PHEX: variants seen among roughly 807,000 people sequenced by gnomAD.
The protein encoded by PHEX is phosphate regulating endopeptidase X-linked.
Under a neutral mutation model 68.0 loss-of-function variants are expected in PHEX, and 16 were observed. The observed-to-expected ratio is 0.24, with a 90% CI of 0.16 to 0.36. The LOEUF is 0.36. Ranked by LOEUF, PHEX falls within the 10% of genes least tolerant of loss-of-function variation. The probability of loss-of-function intolerance (pLI) is 1.00; values close to 1 mark genes in which losing one functional copy is unlikely to be tolerated. For synonymous variants in PHEX, 208 were observed against 205.1 expected (o/e 1.01, Z -0.12); for missense variants, 480 against 575.5 (o/e 0.83, Z 1.70).
At chrX:22,233,101 T>A (rs1419713115) in intron 20 of PHEX, among the ~76,000 whole-genome samples, 1 of 111,966 alleles carries the variant, frequency 8.9e-6, no homozygotes, top group Non-Finnish European at 1.9e-5. Flanking sequence ...AAAATTCTTT[T>A]CTTTTCTTTG....
rs182062315 is a variant in PHEX at position 22,057,933 on chromosome X, C to T, written c.349+10722C>T. Among the ~76,000 whole-genome samples, 26 of 111,774 alleles carry T rather than the reference C, an allele frequency of 2.3e-4. 2 individuals are homozygous for T. Among genetic ancestry groups the T allele is most frequent in the Admixed American group, 1.7e-3 (18 of 10,497 alleles). ...TAGGGAGGAGTGGCTTTTTCTTCTCCGTTTCACTCCATCTCCTCCTGTGCC... is the reference window on the plus strand; with the variant it reads ...TAGGGAGGAGTGGCTTTTTCTTCTCTGTTTCACTCCATCTCCTCCTGTGCC... On this transcript the variant is annotated intron_variant, in intron 3 of 21. Transcript: ENST00000379374.
Position 22,221,748 on chromosome X carries a change from G to A in PHEX, c.1899+5G>A. ...TGGAAGAAAGCTGGCTTAAATGTGA[G>A]TACAACTGTGGCTAAGGGGGGCACC... On this transcript the variant is annotated splice_donor_5th_base_variant and intron_variant, in intron 18 of 21. Coordinates refer to ENST00000379374, the MANE Select transcript of PHEX (RefSeq NM_000444.6). The A allele has an allele frequency of 8.3e-7, 1 of 1,202,795 alleles. No individual in the cohort carries two copies. Among genetic ancestry groups the A allele is most frequent in the Non-Finnish European group, 1.1e-6 (1 of 887,409 alleles).
intron 20 of PHEX, among the ~76,000 whole-genome samples, chrX:22,234,168 G>A (rs1935875408): frequency 8.9e-6 from 1 of 112,847 alleles, no homozygotes; most frequent in Admixed American, 9.3e-5. Context: ...CGGAAGCTTT[G>A]CCCCAGAGGG....
chrX:22,198,058 A>G (rs1934422110), intron 15 of PHEX, among the ~76,000 whole-genome samples: 1 of 105,138 alleles, frequency 9.5e-6, no homozygotes, highest in Admixed American at 1.1e-4. Context: ...ATTAATATGT[A>G]ATATTAAATA....
At chrX:22,238,036 G>A (rs1042560916) in intron 20 of PHEX, among the ~76,000 whole-genome samples, 2 of 112,357 alleles carry the variant, frequency 1.8e-5, no homozygotes, top group Admixed American at 1.9e-4. Flanking sequence ...CAGCACTTTG[G>A]GAGGCCGAGG....
chrX:22,117,762 TG>T (rs1315418391), intron 11 of PHEX, among the ~76,000 whole-genome samples: 1 of 110,782 alleles, frequency 9.0e-6, no homozygotes, highest in Admixed American at 9.7e-5. Flanking sequence ...TTGATGTACG[TG>T]GGGGTAGTTT....
rs867854522 is a variant in PHEX, at chrX:22,077,782, T to A, written c.663+80T>A. The A allele has an allele frequency of 6.7e-5, 45 of 675,748 alleles. No individual in the cohort carries two copies. In the East Asian group the frequency reaches 1.1e-3, roughly 16 times the overall value. The allele number at this position is 675,748 out of a possible 1,213,427, so 55.7% of individuals were successfully genotyped here. ...GTGCCATCCTGGGGAAAGAGACTCA[T>A]GCTGCCTTAGTGAAATAATAACATA... On this transcript the variant is annotated intron_variant, in intron 5 of 21. Transcript: ENST00000379374.
chrX:22,179,803 T>C (rs1365801772), intron 14 of PHEX, among the ~76,000 whole-genome samples: 1 of 111,985 alleles, frequency 8.9e-6, no homozygotes, highest in Non-Finnish European at 1.9e-5. Context: ...AAGTCATCTA[T>C]AATAGTCACT....
At chrX:22,199,930 G>T (rs1934494566) in intron 15 of PHEX, among the ~76,000 whole-genome samples, 1 of 111,661 alleles carries the variant, frequency 9.0e-6, no homozygotes, top group South Asian at 3.8e-4. Flanking sequence ...TCCACCAGGG[G>T]TCTTGGAACA....
chrX:22,131,246 G>C, intron 11 of PHEX, among the ~76,000 whole-genome samples: 1 of 110,634 alleles, frequency 9.0e-6, no homozygotes, highest in Non-Finnish European at 1.9e-5. Flanking sequence ...TCACCATGTT[G>C]GCCAGGCTGG....
At chrX:22,121,051 T>A (rs1420384283) in intron 11 of PHEX, among the ~76,000 whole-genome samples, 1 of 112,218 alleles carries the variant, frequency 8.9e-6, no homozygotes, top group African/African-American at 3.2e-5. Flanking sequence ...ATATATCTCA[T>A]CTCTGCCAGT....
At chrX:22,174,904 C>G (rs964382328) in intron 13 of PHEX, among the ~76,000 whole-genome samples, 5 of 111,920 alleles carry the variant, frequency 4.5e-5, no homozygotes, top group African/African-American at 1.6e-4. Context: ...TCACTTTGTC[C>G]TTGAATCACT....
intron 2 of PHEX, among the ~76,000 whole-genome samples, chrX:22,044,177 G>A (rs1041068576): frequency 5.4e-5 from 6 of 110,391 alleles, no homozygotes; most frequent in Non-Finnish European, 9.5e-5. Context: ...TGAGGGTTGG[G>A]GGCAGGGAAA....
At chrX:22,216,497 T>C (rs1224075441) in intron 16 of PHEX, among the ~76,000 whole-genome samples, 2 of 21,123 alleles carry the variant, frequency 9.5e-5, no homozygotes, top group East Asian at 1.4e-3. Context: ...TTATGCTTAT[T>C]TATTTATTTA....
intron 9 of PHEX, among the ~76,000 whole-genome samples, chrX:22,102,820 C>T (rs1930489337): frequency 8.9e-6 from 1 of 112,032 alleles, no homozygotes; most frequent in Admixed American, 9.4e-5. Context: ...CTGAGGATCC[C>T]CCCACCTCCT....
intron 11 of PHEX, among the ~76,000 whole-genome samples, chrX:22,128,150 G>A (rs979477861): frequency 4.5e-5 from 5 of 110,586 alleles, no homozygotes; most frequent in African/African-American, 1.3e-4. Flanking sequence ...CCTCCGCCTC[G>A]CGGGTTCAAG....
At chrX:22,155,730 GTTA>G (rs1932936391) in intron 12 of PHEX, among the ~76,000 whole-genome samples, 1 of 111,695 alleles carries the variant, frequency 9.0e-6, no homozygotes, top group African/African-American at 3.2e-5. Flanking sequence ...TATTTAAATA[GTTA>G]TTATTTAATT....
chrX:22,206,775 A>G (rs760258332), intron 15 of PHEX, among the ~76,000 whole-genome samples: 2 of 111,257 alleles, frequency 1.8e-5, no homozygotes, highest in African/African-American at 6.5e-5. Context: ...AGGCCTGAAT[A>G]TATTTATTTA....
chrX:22,053,476 T>G (rs998595907), intron 3 of PHEX, among the ~76,000 whole-genome samples: 1 of 111,693 alleles, frequency 9.0e-6, no homozygotes, highest in Non-Finnish European at 1.9e-5. Context: ...GGAAATAAAA[T>G]TACTTCCTAT....
Sources: allele counts gnomAD v4.1 joint callset (sites outside exome capture counted in the v4.1 genomes callset), GRCh38; gene constraint gnomAD v4.1.1; transcripts MANE v1.5; gene names NCBI Gene and HGNC (gene_info 2026-07-23, HGNC 2026-07-21).